CYP2J2: variants seen among roughly 807,000 people sequenced by gnomAD.
CYP2J2 encodes the protein cytochrome P450 2J2.
Under a neutral mutation model 48.8 loss-of-function variants are expected in CYP2J2, and 41 were observed. The observed-to-expected ratio is 0.84, with a 90% CI of 0.66 to 1.09. CYP2J2 has a LOEUF of 1.09. CYP2J2 is among the 50% of genes least tolerant of loss of function. The probability of loss-of-function intolerance (pLI) is 0.00; values close to 1 mark genes in which losing one functional copy is unlikely to be tolerated. For synonymous variants in CYP2J2, 221 were observed against 227.1 expected (o/e 0.97, Z 0.24); for missense variants, 644 against 617.3 (o/e 1.04, Z -0.46).
chr1:59,959,286 C>T, the CYP2J2 span, among the ~76,000 whole-genome samples: 2 of 152,132 alleles, frequency 1.3e-5, no homozygotes, highest in South Asian at 2.1e-4. Flanking sequence ...CAAAGAAATC[C>T]CTTATGTATT....
chr1:59,902,133 C>T lies in CYP2J2; in HGVS notation c.1192-1030G>A, dbSNP rs76109457. On this transcript the variant is annotated intron_variant, in intron 7 of 8. Coordinates refer to ENST00000371204, the MANE Select transcript of CYP2J2 (RefSeq NM_000775.4). ...CCTTGCCAGGAATGTTCCTCCTCCC[C>T]ACTTTGTCATCAAGCTAACTCTTGA... is the stretch of plus-strand genomic sequence containing the variant. Among the ~76,000 whole-genome samples, 4 of 152,286 alleles carry T rather than the reference C, an allele frequency of 2.6e-5. No homozygotes were observed. The South Asian group carries it at 8.3e-4, about 32-fold the overall frequency.
chr1:59,945,841 A>C, the CYP2J2 span, among the ~76,000 whole-genome samples: 102 of 152,248 alleles, frequency 6.7e-4, 1 homozygote, highest in African/African-American at 2.5e-3. Flanking sequence ...ATTTTTTCTC[A>C]TTCTTATACT....
the CYP2J2 span, among the ~76,000 whole-genome samples, chr1:59,942,556 A>G: frequency 6.6e-6 from 1 of 152,084 alleles, no homozygotes; most frequent in Non-Finnish European, 1.5e-5. Context: ...GTTTGATTAG[A>G]AGCCGTTGAA....
chr1:59,952,042 G>C, the CYP2J2 span, among the ~76,000 whole-genome samples: 3 of 151,728 alleles, frequency 2.0e-5, no homozygotes, highest in Non-Finnish European at 4.4e-5. Flanking sequence ...ACTAAATACT[G>C]TAAGGCTAGC....
At chr1:59,935,468 G>A in the CYP2J2 span, among the ~76,000 whole-genome samples, 2 of 152,190 alleles carry the variant, frequency 1.3e-5, no homozygotes, top group Non-Finnish European at 2.9e-5. Flanking sequence ...CTTGATATCA[G>A]TAATCACTTC....
At chr1:59,909,661 A>G (rs2102121249) in intron 5 of CYP2J2, 123 bp downstream of exon 5, 1 of 651,350 alleles carries the variant, frequency 1.5e-6, no homozygotes, top group South Asian at 2.2e-5. Context: ...GAACTGTGAG[A>G]GAATCAATCT....
intron 7 of CYP2J2, 123 bp downstream of exon 7, chr1:59,904,743 GTATTA>G: frequency 1.3e-6 from 1 of 764,862 alleles, no homozygotes; most frequent in Non-Finnish European, 2.0e-6. Flanking sequence ...AGAAAATCTA[GTATTA>G]TATCAGGTAT....
the CYP2J2 span, among the ~76,000 whole-genome samples, chr1:59,945,496 T>G: frequency 1.3e-5 from 2 of 152,294 alleles, no homozygotes; most frequent in East Asian, 3.9e-4. Context: ...TTAAAACTAT[T>G]TGGGGCCTCC....
chr1:59,907,938 C>T lies in CYP2J2; in HGVS notation c.862-11G>A, dbSNP rs1253637749. On this transcript the variant is annotated splice_polypyrimidine_tract_variant and intron_variant, in intron 5 of 8. Transcript: ENST00000371204. ...AGGATTGCCTGTGTGCTAGAAAACA[C>T]AATGTTTGATGTTATTTATTGGTTT... 1 of 1,613,646 alleles carries T rather than the reference C, an allele frequency of 6.2e-7. No individual in the cohort carries two copies. The highest frequency in any genetic ancestry group is 1.1e-5 in the South Asian group (1 of 91,060).
At chr1:59,945,448 A>ATCTC in the CYP2J2 span, among the ~76,000 whole-genome samples, 2 of 150,426 alleles carry the variant, frequency 1.3e-5, no homozygotes, top group Non-Finnish European at 3.0e-5. Context: ...CTATCTCTCT[A>ATCTC]TCTATCTATG....
At chr1:59,922,080 C>T (rs532336053) in intron 1 of CYP2J2, among the ~76,000 whole-genome samples, 1 of 152,160 alleles carries the variant, frequency 6.6e-6, no homozygotes, top group Non-Finnish European at 1.5e-5. Context: ...CCCCCTGGAC[C>T]CAGCTTTCAC....
At chr1:59,960,966 C>A in the CYP2J2 span, among the ~76,000 whole-genome samples, 11 of 152,166 alleles carry the variant, frequency 7.2e-5, no homozygotes, top group Admixed American at 3.9e-4. Flanking sequence ...TTGACCTCCA[C>A]TTCATACTAT....
At chr1:59,928,251 A>G (rs1260934467), upstream of CYP2J2, among the ~76,000 whole-genome samples, 2 of 152,204 alleles carry the variant, frequency 1.3e-5, no homozygotes, top group Non-Finnish European at 1.5e-5. Context: ...AGCATGAGAA[A>G]CCCCACAGAA....
At chr1:59,965,527 T>C in the CYP2J2 span, among the ~76,000 whole-genome samples, 1 of 152,216 alleles carries the variant, frequency 6.6e-6, no homozygotes, top group African/African-American at 2.4e-5. Flanking sequence ...GTTGACGACA[T>C]GGACTTTCCT....
At chr1:59,961,141 G>C in the CYP2J2 span, among the ~76,000 whole-genome samples, 1 of 151,920 alleles carries the variant, frequency 6.6e-6, no homozygotes, top group Non-Finnish European at 1.5e-5. Flanking sequence ...TGATAAATTG[G>C]GCTTCATCCA....
intron 2 of CYP2J2, among the ~76,000 whole-genome samples, chr1:59,914,116 T>A (rs1190589818): frequency 1.3e-5 from 2 of 152,216 alleles, no homozygotes; most frequent in African/African-American, 4.8e-5. Context: ...CAGGACTGCA[T>A]TAATAAGTAC....
the CYP2J2 span, among the ~76,000 whole-genome samples, chr1:59,935,140 T>G: frequency 6.7e-6 from 1 of 149,590 alleles, no homozygotes; most frequent in African/African-American, 2.5e-5. Context: ...TTATGCTAAA[T>G]GAAGTAAGCC....
the CYP2J2 span, among the ~76,000 whole-genome samples, chr1:59,965,573 C>T: frequency 6.6e-6 from 1 of 152,176 alleles, no homozygotes; most frequent in African/African-American, 2.4e-5. Flanking sequence ...TGTGGTTGTC[C>T]TGGGATGAAC....
At chr1:59,947,440 G>C in the CYP2J2 span, among the ~76,000 whole-genome samples, 456 of 152,294 alleles carry the variant, frequency 3.0e-3, 1 homozygote, top group African/African-American at 0.01. Flanking sequence ...GCAGTTAATT[G>C]GAGAGCTTAG....
Sources: allele counts gnomAD v4.1 joint callset (sites outside exome capture counted in the v4.1 genomes callset), GRCh38; gene constraint gnomAD v4.1.1; transcripts MANE v1.5; gene names NCBI Gene and HGNC (gene_info 2026-07-23, HGNC 2026-07-21).